Variants in CAMK2D observed in about 807,000 individuals in gnomAD.
The protein encoded by CAMK2D is calcium/calmodulin dependent protein kinase II delta, also known as calcium/calmodulin-dependent protein kinase type II subunit delta.
Under a neutral mutation model 84.0 loss-of-function variants are expected in CAMK2D, and 37 were observed. The observed-to-expected ratio is 0.44, with a 90% CI of 0.34 to 0.58. CAMK2D has a LOEUF of 0.58. Among genes scored for constraint, CAMK2D ranks in the 20% least tolerant of loss-of-function variants. CAMK2D has a pLI of 0.02. For missense variants in CAMK2D, 448 were observed against 652.5 expected (o/e 0.69, Z 3.41); for synonymous variants, 202 against 212.5 (o/e 0.95, Z 0.43).
chr4:113,755,025 C>T, intron 2 of CAMK2D: 2 of 983,920 alleles, frequency 2.0e-6, no homozygotes, highest in Non-Finnish European at 2.4e-6. Context: ...TACATAGTCT[C>T]AGTTCTACTT....
chr4:113,745,626 G>A (rs923448750), intron 2 of CAMK2D, among the ~76,000 whole-genome samples: 3 of 152,106 alleles, frequency 2.0e-5, no homozygotes, highest in African/African-American at 7.2e-5. Flanking sequence ...CTCATTAATA[G>A]TAGATATAGG....
At chr4:113,694,797 C>T (rs2099398017) in intron 2 of CAMK2D, among the ~76,000 whole-genome samples, 1 of 152,176 alleles carries the variant, frequency 6.6e-6, no homozygotes, top group Admixed American at 6.6e-5. Flanking sequence ...TGCTATCATA[C>T]ATTGTGCTCT....
chr4:113,666,351 A>T (rs1356544191), intron 2 of CAMK2D, among the ~76,000 whole-genome samples: 2 of 152,200 alleles, frequency 1.3e-5, no homozygotes, highest in African/African-American at 2.4e-5. Context: ...TACATGAATG[A>T]CATATATAAA....
chr4:113,513,269 A>G, intron 12 of CAMK2D, 59 bp downstream of exon 12: 1 of 1,583,908 alleles, frequency 6.3e-7, no homozygotes, highest in Non-Finnish European at 8.6e-7. Context: ...AGACAAAAAA[A>G]CAGAGACTAC....
At chr4:113,695,295 A>G (rs980536420) in intron 2 of CAMK2D, among the ~76,000 whole-genome samples, 1 of 152,170 alleles carries the variant, frequency 6.6e-6, no homozygotes, top group African/African-American at 2.4e-5. Flanking sequence ...TTTCCTATTC[A>G]GTCTCAGTGA....
At chr4:113,628,395 A>T (rs1196718806) in intron 3 of CAMK2D, among the ~76,000 whole-genome samples, 1 of 152,214 alleles carries the variant, frequency 6.6e-6, no homozygotes, top group Non-Finnish European at 1.5e-5. Flanking sequence ...GCAATCTTTA[A>T]TATTAATATA....
intron 3 of CAMK2D, among the ~76,000 whole-genome samples, chr4:113,619,158 T>C (rs948234613): frequency 4.6e-5 from 7 of 151,026 alleles, no homozygotes; most frequent in Non-Finnish European, 7.4e-5. Flanking sequence ...CTTGACCCTT[T>C]CTGTGAAAGC....
chr4:113,484,847 C>G (rs2097749992), intron 16 of CAMK2D, among the ~76,000 whole-genome samples: 1 of 152,148 alleles, frequency 6.6e-6, no homozygotes, highest in Non-Finnish European at 1.5e-5. Context: ...AAAGATGATT[C>G]CTGCAGATGT....
intron 2 of CAMK2D, among the ~76,000 whole-genome samples, chr4:113,731,127 T>G (rs2099567929): frequency 6.6e-6 from 1 of 152,168 alleles, no homozygotes; most frequent in Non-Finnish European, 1.5e-5. Context: ...TGACTAGCAT[T>G]TCCACCTCTC....
intron 2 of CAMK2D, among the ~76,000 whole-genome samples, chr4:113,712,399 T>C (rs183543558): frequency 3.9e-5 from 6 of 152,154 alleles, no homozygotes; most frequent in African/African-American, 1.4e-4. Flanking sequence ...TGGGAAATAG[T>C]GTTTCCCAAG....
At chr4:113,494,205 G>A (rs965498306) in intron 16 of CAMK2D, among the ~76,000 whole-genome samples, 15 of 152,224 alleles carry the variant, frequency 9.9e-5, no homozygotes, top group Admixed American at 5.2e-4. Context: ...CTTTGGAGGA[G>A]GAGAGGCACT....
At chr4:113,649,023 T>C (rs2099162533) in intron 3 of CAMK2D, among the ~76,000 whole-genome samples, 1 of 152,210 alleles carries the variant, frequency 6.6e-6, no homozygotes, top group South Asian at 2.1e-4. Flanking sequence ...ATCTCTCTAG[T>C]CACGCAAACT....
At chr4:113,611,347 A>G (rs1157983864) in intron 3 of CAMK2D, among the ~76,000 whole-genome samples, 2 of 152,192 alleles carry the variant, frequency 1.3e-5, no homozygotes, top group Non-Finnish European at 2.9e-5. Context: ...GCTATAATAC[A>G]GTATGTATTC....
chr4:113,538,636 A>C (rs1216458344), intron 6 of CAMK2D, among the ~76,000 whole-genome samples: 1 of 152,204 alleles, frequency 6.6e-6, no homozygotes, highest in Non-Finnish European at 1.5e-5. Context: ...TCATGCTTTA[A>C]AAATCAAATT....
chr4:113,613,729 T>C (rs564374953), intron 3 of CAMK2D, among the ~76,000 whole-genome samples: 2 of 152,274 alleles, frequency 1.3e-5, no homozygotes, highest in South Asian at 4.1e-4. Flanking sequence ...ATAGAACATT[T>C]AATGTACCAA....
intron 3 of CAMK2D, among the ~76,000 whole-genome samples, chr4:113,634,715 A>C (rs1243225454): frequency 2.0e-5 from 3 of 152,170 alleles, no homozygotes; most frequent in African/African-American, 7.2e-5. Flanking sequence ...TTGGGCATTG[A>C]TTCTGTGCCA....
intron 2 of CAMK2D, among the ~76,000 whole-genome samples, chr4:113,751,461 T>C (rs17593565): frequency 0.02 from 2,985 of 152,282 alleles, 127 homozygotes; most frequent in East Asian, 0.18. Flanking sequence ...TTTATTTCAA[T>C]GTGTATACAT....
rs980942571 is a variant in CAMK2D, at chr4:113,457,324, G to T, written c.1535+11C>A. 2 of 1,613,236 alleles carry T rather than the reference G, an allele frequency of 1.2e-6. No individual in the cohort carries two copies. Among genetic ancestry groups the T allele is most frequent in the Non-Finnish European group, 1.7e-6 (2 of 1,179,594 alleles). ...TATTAACAAAGAAGCTGACAGCCTG[G>T]AAATATTTACTTGATGGGTACTGTT... On this transcript the variant is annotated intron_variant, in intron 19 of 20. Transcript: ENST00000511664.
At chr4:113,495,495 T>C (rs992047055) in intron 16 of CAMK2D, among the ~76,000 whole-genome samples, 4 of 152,150 alleles carry the variant, frequency 2.6e-5, no homozygotes, top group African/African-American at 9.7e-5. Flanking sequence ...AATAGTTGAA[T>C]CTGGGTAATC....
Sources: allele counts gnomAD v4.1 joint callset (sites outside exome capture counted in the v4.1 genomes callset), GRCh38; gene constraint gnomAD v4.1.1; transcripts MANE v1.5; gene names NCBI Gene and HGNC (gene_info 2026-07-23, HGNC 2026-07-21).